SRP54: variants seen among roughly 807,000 people sequenced by gnomAD.
SRP54 encodes signal recognition particle subunit SRP54.
A neutral mutation model predicts 64.8 loss-of-function variants in SRP54; 10 were observed. The observed-to-expected ratio is 0.15, with a 90% CI of 0.10 to 0.26. The LOEUF (loss-of-function observed/expected upper bound fraction) is 0.26, where lower values mean the gene tolerates loss of function less well. SRP54 is among the 10% of genes least tolerant of loss of function. SRP54 has a pLI of 1.00. For synonymous variants in SRP54, 193 were observed against 185.6 expected (o/e 1.04, Z -0.32); for missense variants, 325 against 613.7 (o/e 0.53, Z 4.97).
intron 1 of SRP54, among the ~76,000 whole-genome samples, chr14:34,987,246 A>AAAT (rs1555352658): frequency 5.8e-4 from 64 of 110,064 alleles, no homozygotes; most frequent in South Asian, 1.2e-3. Flanking sequence ...AAAAAAAAAA[A>AAAT]ATATATATAT....
Position 35,029,288 on chromosome 14 carries a change from C to A in SRP54, c.*136C>A, listed in dbSNP as rs760911701. The stretch of plus-strand genomic sequence containing the variant: ...TGCACTCTTTCCTTTTCTTCTCGCC[C>A]GCTTTTCCCCTCCTTTTCTTTTTCC... On this transcript the variant is annotated 3_prime_UTR_variant, in exon 16 of 16. Coordinates refer to ENST00000216774, the MANE Select transcript of SRP54 (RefSeq NM_003136.4). The A allele has an allele frequency of 1.4e-5, 7 of 518,252 alleles. No homozygotes were observed. Among genetic ancestry groups the A allele is most frequent in the Admixed American group, 3.8e-5 (1 of 26,336 alleles). 32.1% of individuals were successfully genotyped at this position (518,252 alleles called of 1,614,324 possible).
At chr14:34,996,960 A>G (rs2044081525) in intron 2 of SRP54, 173 bp downstream of exon 2, 2 of 418,604 alleles carry the variant, frequency 4.8e-6, no homozygotes, top group Non-Finnish European at 4.2e-6. Flanking sequence ...ATTAACTACA[A>G]CTTCAAATTT....
intron 2 of SRP54, among the ~76,000 whole-genome samples, chr14:34,998,965 TTGTGTGTATGTGTGTGTGTGTGTG>T (rs1299169326): frequency 8.2e-6 from 1 of 121,774 alleles, no homozygotes; most frequent in Non-Finnish European, 1.9e-5. Context: ...TATTATTACT[TTGTGTGTATGTGTGTGTGTGTGTG>T]TGTGTGTGTG....
At chr14:35,007,570 A>T (rs1337828557) in intron 5 of SRP54, among the ~76,000 whole-genome samples, 183 bp downstream of exon 5, 3 of 116,604 alleles carry the variant, frequency 2.6e-5, no homozygotes, top group Non-Finnish European at 6.2e-5. Context: ...AAATATATTT[A>T]CATAAAATAT....
intron 1 of SRP54, among the ~76,000 whole-genome samples, chr14:34,994,579 T>C (rs1281657685): frequency 6.6e-6 from 1 of 152,192 alleles, no homozygotes; most frequent in East Asian, 1.9e-4. Flanking sequence ...CAGTGATCCA[T>C]AAGTACAGTG....
chr14:35,017,464 A>G (rs1031447635), intron 11 of SRP54, among the ~76,000 whole-genome samples: 2 of 152,212 alleles, frequency 1.3e-5, no homozygotes, highest in East Asian at 1.9e-4. Flanking sequence ...TCACTTCTGT[A>G]TAAATGGCCA....
intron 4 of SRP54, among the ~76,000 whole-genome samples, chr14:35,002,796 TGTA>T (rs2044197453): frequency 7.2e-6 from 1 of 138,440 alleles, no homozygotes; most frequent in Non-Finnish European, 1.5e-5. Context: ...CAGGCTGGAG[TGTA>T]GTGGTGCAAT....
At chr14:35,027,126 T>A (rs959770576) in intron 14 of SRP54, among the ~76,000 whole-genome samples, 1 of 150,846 alleles carries the variant, frequency 6.6e-6, no homozygotes. Context: ...GCCTCCCGGA[T>A]TCAAGCAATT....
At chr14:34,998,174 T>C (rs1428680446) in intron 2 of SRP54, among the ~76,000 whole-genome samples, 1 of 152,136 alleles carries the variant, frequency 6.6e-6, no homozygotes, top group Non-Finnish European at 1.5e-5. Flanking sequence ...AGAGAGAACA[T>C]TCAAGAAATA....
At chr14:35,010,704 G>T (rs1189222527) in intron 7 of SRP54, among the ~76,000 whole-genome samples, 1 of 152,020 alleles carries the variant, frequency 6.6e-6, no homozygotes, top group Non-Finnish European at 1.5e-5. Context: ...GGCAGAAGTG[G>T]CAGTGAGCCG....
rs770172349 is a variant in SRP54, at chr14:35,011,505, A to G, written c.486-4A>G. 6 of 1,470,418 alleles carry G rather than the reference A, an allele frequency of 4.1e-6. No individual in the cohort carries two copies. Among genetic ancestry groups the G allele is most frequent in the East Asian group, 2.4e-5 (1 of 42,434 alleles). The allele number at this position is 1,470,418 out of a possible 1,614,324, so 91.1% of individuals were successfully genotyped here. On this transcript the variant is annotated splice_polypyrimidine_tract_variant and splice_region_variant and intron_variant, in intron 7 of 15. Coordinates refer to ENST00000216774, the MANE Select transcript of SRP54 (RefSeq NM_003136.4). ...TTGTTAAATCATTTGTCCATGTTAT[A>G]TAGCTATACAGAAATGGATCCTGTC... is the stretch of plus-strand genomic sequence containing the variant.
intron 8 of SRP54, 77 bp from the exon 9 acceptor site, chr14:35,013,269 A>G (rs1376468454): frequency 1.4e-6 from 2 of 1,392,052 alleles, no homozygotes; most frequent in Admixed American, 2.0e-5. Flanking sequence ...ATATTGTTTT[A>G]TAGCTTCTAA....
intron 3 of SRP54, 160 bp downstream of exon 3, chr14:34,999,809 G>C (rs72680641): frequency 8.0e-6 from 4 of 497,118 alleles, no homozygotes; most frequent in African/African-American, 7.6e-5. Context: ...AGCATGTGTA[G>C]TACGTTTCCA....
chr14:34,999,550 A>G lies in SRP54; in HGVS notation c.79-8A>G, dbSNP rs2044138658. 1 of 1,598,126 alleles carries G rather than the reference A, an allele frequency of 6.3e-7. No individual in the cohort carries two copies. Among genetic ancestry groups the G allele is most frequent in the Non-Finnish European group, 8.5e-7 (1 of 1,169,704 alleles). Reference sequence around the variant, plus strand: ...TGCTTTAAATTTCATTTATTTCTTTATTTTCAGGTATTGAATGCTATGCTA... The same window carrying G: ...TGCTTTAAATTTCATTTATTTCTTTGTTTTCAGGTATTGAATGCTATGCTA... On this transcript the variant is annotated splice_polypyrimidine_tract_variant and splice_region_variant and intron_variant, in intron 2 of 15. Transcript: ENST00000216774.
Position 35,000,299 on chromosome 14 carries a change from A to T in SRP54, c.171-637A>T, listed in dbSNP as rs141757928. 6.1e-3 allele frequency among the ~76,000 whole-genome samples: 935 copies of T among 152,050 alleles called. 11 individuals carry two copies. Among genetic ancestry groups the T allele is most frequent in the Middle Eastern group, 0.024 (7 of 294 alleles). ...CATAGAGGAAGTAGCCGGGCGCAGTAGCTCACGCCTGTAATCCCAGCACTT... is the reference window on the plus strand; with the variant it reads ...CATAGAGGAAGTAGCCGGGCGCAGTTGCTCACGCCTGTAATCCCAGCACTT... On this transcript the variant is annotated intron_variant, in intron 3 of 15. Coordinates refer to ENST00000216774, the MANE Select transcript of SRP54 (RefSeq NM_003136.4).
intron 14 of SRP54, 152 bp downstream of exon 14, chr14:35,023,232 C>A: frequency 1.6e-6 from 1 of 615,876 alleles, no homozygotes; most frequent in Non-Finnish European, 2.6e-6. Flanking sequence ...TATCTGTTTT[C>A]ATATTCAAGG....
chr14:34,996,239 A>C (rs963654055), intron 1 of SRP54, among the ~76,000 whole-genome samples: 1 of 151,778 alleles, frequency 6.6e-6, no homozygotes, highest in Non-Finnish European at 1.5e-5. Flanking sequence ...TTTTTTGCTT[A>C]GGAGCAAGAA....
chr14:35,012,554 C>T (rs1259445407), intron 8 of SRP54, among the ~76,000 whole-genome samples: 1 of 152,074 alleles, frequency 6.6e-6, no homozygotes, highest in Admixed American at 6.6e-5. Context: ...ATATTTTATC[C>T]GTTTTCAGTA....
chr14:35,010,636 G>T (rs799461), intron 7 of SRP54, among the ~76,000 whole-genome samples: 39,908 of 151,618 alleles, frequency 0.26, 5,550 homozygotes, highest in Non-Finnish European at 0.31. Context: ...CTGGTGGCAG[G>T]CGCCTGTAAT....
Sources: gnomAD v4.1 joint callset for allele counts (sites outside exome capture counted in the v4.1 genomes callset) on GRCh38, gnomAD v4.1.1 for gene constraint, MANE v1.5 for transcripts, NCBI Gene and HGNC (gene_info 2026-07-23, HGNC 2026-07-21) for gene names.